GRM8: variants seen among roughly 807,000 people sequenced by gnomAD.
The protein encoded by GRM8 is glutamate metabotropic receptor 8.
In GRM8, 47 loss-of-function variants were observed where a neutral mutation model predicts 87.2. The ratio of observed to expected loss-of-function variants is 0.54; its 90% CI spans 0.43 to 0.69. GRM8 has a LOEUF of 0.69. GRM8 is among the 30% of genes least tolerant of loss of function. GRM8 has a pLI of 0.00. For synonymous variants in GRM8, 396 were observed against 404.5 expected (o/e 0.98, Z 0.25); for missense variants, 1,019 against 1,139.2 (o/e 0.89, Z 1.52).
At chr7:126,709,069 T>G (rs891980941) in intron 7 of GRM8, among the ~76,000 whole-genome samples, 1 of 152,008 alleles carries the variant, frequency 6.6e-6, no homozygotes, top group African/African-American at 2.4e-5. Flanking sequence ...TTATACAAAA[T>G]AAATATATAA....
In GRM8 at chr7:126,499,046, A is replaced by C. The variant is rs745538522; in HGVS notation, c.2430+33906T>G. On this transcript the variant is annotated intron_variant, in intron 9 of 10. Transcript: ENST00000339582. ...GAGAACAGATGTGAAATTTGGGAGA[A>C]TCTATGAGAGATTTACTCAGAATTC... Among the ~76,000 whole-genome samples the C allele has an allele frequency of 2.7e-4, 41 of 152,040 alleles. 1 individual carries two copies. The highest frequency in any genetic ancestry group is 6.8e-3 in the Middle Eastern group (2 of 294).
chr7:127,132,712 C>T (rs886098468), intron 2 of GRM8, among the ~76,000 whole-genome samples: 4 of 152,040 alleles, frequency 2.6e-5, no homozygotes, highest in Non-Finnish European at 5.9e-5. Context: ...TCGCAAGTAC[C>T]TGAGGAAGAG....
chr7:127,143,020 CA>C (rs1469427004), intron 2 of GRM8, among the ~76,000 whole-genome samples: 1 of 152,152 alleles, frequency 6.6e-6, no homozygotes, highest in Non-Finnish European at 1.5e-5. Context: ...CATCCTTCCA[CA>C]GTGGAAAACC....
intron 6 of GRM8, among the ~76,000 whole-genome samples, chr7:126,893,318 T>C (rs1224619876): frequency 6.6e-6 from 1 of 152,048 alleles, no homozygotes; most frequent in Non-Finnish European, 1.5e-5. Flanking sequence ...CACAGGACTA[T>C]ATGTGTTTCT....
At chr7:126,564,267 T>A (rs1270697412) in intron 8 of GRM8, among the ~76,000 whole-genome samples, 1 of 152,098 alleles carries the variant, frequency 6.6e-6, no homozygotes, top group African/African-American at 2.4e-5. Context: ...GGGCTCCTCA[T>A]CAAAGAAGAT....
At chr7:127,120,818 C>G (rs17866781) in intron 2 of GRM8, among the ~76,000 whole-genome samples, 1 of 152,132 alleles carries the variant, frequency 6.6e-6, no homozygotes, top group Non-Finnish European at 1.5e-5. Flanking sequence ...TTAGAAATTT[C>G]TTTTCAAAAA....
chr7:127,147,344 C>T (rs1198300337), intron 2 of GRM8, among the ~76,000 whole-genome samples: 2 of 152,084 alleles, frequency 1.3e-5, no homozygotes, highest in Non-Finnish European at 2.9e-5. Context: ...GGTCCTCTGA[C>T]AGGCCCCACT....
At chr7:127,002,347 T>C (rs900479804) in intron 3 of GRM8, among the ~76,000 whole-genome samples, 1 of 151,602 alleles carries the variant, frequency 6.6e-6, no homozygotes, top group Non-Finnish European at 1.5e-5. Flanking sequence ...AAATCAAGTT[T>C]AAGGATAAGC....
intron 3 of GRM8, among the ~76,000 whole-genome samples, chr7:126,998,276 T>A (rs117168947): frequency 0.01 from 1,545 of 151,868 alleles, 10 homozygotes; most frequent in Non-Finnish European, 0.017. Context: ...CAGAGTAAAA[T>A]CCATGTATAA....
At chr7:126,990,983 T>C (rs1812604964) in intron 3 of GRM8, among the ~76,000 whole-genome samples, 1 of 152,186 alleles carries the variant, frequency 6.6e-6, no homozygotes, top group Non-Finnish European at 1.5e-5. Context: ...CTTAAGACAA[T>C]TTACAATAAG....
intron 8 of GRM8, among the ~76,000 whole-genome samples, chr7:126,541,734 T>C (rs1442424351): frequency 6.6e-6 from 1 of 152,216 alleles, no homozygotes; most frequent in Non-Finnish European, 1.5e-5. Context: ...CTAAATTTGT[T>C]AGATACAGAT....
chr7:127,038,118 CA>C (rs1284147224), intron 3 of GRM8, among the ~76,000 whole-genome samples: 1 of 152,102 alleles, frequency 6.6e-6, no homozygotes, highest in Non-Finnish European at 1.5e-5. Context: ...AGTTGAGCCT[CA>C]AAATTTGCTG....
intron 2 of GRM8, among the ~76,000 whole-genome samples, chr7:127,182,576 G>A (rs1179500228): frequency 1.3e-5 from 2 of 151,508 alleles, no homozygotes; most frequent in Admixed American, 6.6e-5. Flanking sequence ...CCACAATAGC[G>A]AAATTGTGGA....
intron 6 of GRM8, among the ~76,000 whole-genome samples, chr7:126,829,103 A>G (rs1047462666): frequency 2.0e-5 from 3 of 151,580 alleles, no homozygotes; most frequent in Non-Finnish European, 4.4e-5. Context: ...ACATTTGCTG[A>G]GGAGAGCTTT....
At chr7:126,483,742 TCC>T (rs1348666801) in intron 9 of GRM8, among the ~76,000 whole-genome samples, 1 of 10,476 alleles carries the variant, frequency 9.5e-5, no homozygotes, top group African/African-American at 3.4e-4. Flanking sequence ...CCTTAGTATT[TCC>T]CTCCCTCCCT....
At chr7:127,061,896 G>A (rs1245807552) in intron 3 of GRM8, among the ~76,000 whole-genome samples, 1 of 152,136 alleles carries the variant, frequency 6.6e-6, no homozygotes, top group Non-Finnish European at 1.5e-5. Flanking sequence ...ATTAATTAAA[G>A]AATCCTAAAT....
intron 8 of GRM8, among the ~76,000 whole-genome samples, chr7:126,605,107 T>A (rs60156642): frequency 0.31 from 46,947 of 152,038 alleles, 8,126 homozygotes; most frequent in East Asian, 0.44. Flanking sequence ...TTTTGGCCCA[T>A]ACAGCATCCC....
In GRM8 at chr7:127,222,308, T is replaced by A. The variant is rs116549331; in HGVS notation, c.510+20387A>T. The stretch of plus-strand genomic sequence containing the variant: ...CTATGGCCCCAACTATTCAGGAGGC[T>A]GAGGCATGAGAATCCCTTGGAACCG... On this transcript the variant is annotated intron_variant, in intron 2 of 10. Transcript: ENST00000339582. Among the ~76,000 whole-genome samples, 1,232 of 152,300 alleles carry A rather than the reference T, an allele frequency of 8.1e-3. 13 individuals carry two copies. The highest frequency in any genetic ancestry group is 0.028 in the African/African-American group (1,155 of 41,558).
intron 6 of GRM8, among the ~76,000 whole-genome samples, chr7:126,807,422 TTTCTTCACTAAAAC>T (rs1161983064): frequency 1.3e-5 from 2 of 152,172 alleles, no homozygotes; most frequent in Non-Finnish European, 2.9e-5. Context: ...GAAATTCTGA[TTTCTTCACTAAAAC>T]TTCTTCACTA....
Sources: gnomAD v4.1 joint callset for allele counts (sites outside exome capture counted in the v4.1 genomes callset) on GRCh38, gnomAD v4.1.1 for gene constraint, MANE v1.5 for transcripts, NCBI Gene and HGNC (gene_info 2026-07-23, HGNC 2026-07-21) for gene names.